The following ZNF675 variants were observed in gnomAD, a reference collection of about 807,000 sequenced individuals.
ZNF675 encodes zinc finger protein 675, also known as TRAF6 inhibitory zinc finger.
Under a neutral mutation model 56.1 loss-of-function variants are expected in ZNF675, and 36 were observed. The observed-to-expected ratio is 0.64, with a 90% CI of 0.49 to 0.85. The LOEUF (loss-of-function observed/expected upper bound fraction) is 0.85. Among genes scored for constraint, ZNF675 ranks in the 40% least tolerant of loss-of-function variants. The pLI, the probability that ZNF675 is intolerant of heterozygous loss-of-function variation, is 0.00. For synonymous variants in ZNF675, 200 were observed against 218.9 expected, an observed-to-expected ratio of 0.91 and a Z score of 0.76; for missense variants, 663 against 654.2, an observed-to-expected ratio of 1.01 and a Z score of -0.15.
chr19:23,660,167 C>T (rs1968056838), intron 3 of ZNF675, among the ~76,000 whole-genome samples: 1 of 152,134 alleles, frequency 6.6e-6, no homozygotes, highest in Non-Finnish European at 1.5e-5. Context: ...CTAGTGCAGA[C>T]CCAGCAGCCT....
At chr19:23,681,580 C>T (rs1852437) in intron 1 of ZNF675, among the ~76,000 whole-genome samples, 1 of 151,514 alleles carries the variant, frequency 6.6e-6, no homozygotes, top group African/African-American at 2.4e-5. Context: ...TACTGAACAC[C>T]AAGCAATCCT....
chr19:23,683,107 T>G (rs991011302), intron 1 of ZNF675, among the ~76,000 whole-genome samples: 2 of 151,126 alleles, frequency 1.3e-5, no homozygotes, highest in Non-Finnish European at 2.9e-5. Context: ...AAGAATCACT[T>G]GAATCTGGGA....
At chr19:23,682,419 A>G (rs1435216358) in intron 1 of ZNF675, among the ~76,000 whole-genome samples, 2 of 151,848 alleles carry the variant, frequency 1.3e-5, no homozygotes, top group Non-Finnish European at 2.9e-5. Flanking sequence ...TTTTACATAA[A>G]TCTATAACTT....
intron 3 of ZNF675, among the ~76,000 whole-genome samples, chr19:23,657,938 A>C (rs1428520986): frequency 6.6e-6 from 1 of 152,184 alleles, no homozygotes; most frequent in African/African-American, 2.4e-5. Context: ...AAATTGTCTA[A>C]AATGGTAAAA....
At chr19:23,683,244 G>A (rs1343605640) in intron 1 of ZNF675, among the ~76,000 whole-genome samples, 1 of 151,370 alleles carries the variant, frequency 6.6e-6, no homozygotes, top group African/African-American at 2.4e-5. Flanking sequence ...AACACTTCTA[G>A]GAGGTACCAA....
At chr19:23,678,373 C>CCCAAGGCTGCCTCAGCCG (rs1418402347) in intron 1 of ZNF675, among the ~76,000 whole-genome samples, 1 of 150,460 alleles carries the variant, frequency 6.6e-6, no homozygotes, top group African/African-American at 2.5e-5. Context: ...GCCTCAGCCA[C>CCCAAGGCTGCCTCAGCCG]CCAAGTAGCC....
At chr19:23,661,976 A>G in intron 3 of ZNF675, 138 bp downstream of exon 3, 1 of 666,700 alleles carries the variant, frequency 1.5e-6, no homozygotes, top group Non-Finnish European at 2.7e-6. Context: ...ATGTGAGAGC[A>G]TAAAATACTC....
rs555353500 is a variant in ZNF675, at chr19:23,676,787, C to G, written c.3+10244G>C. 7.2e-5 allele frequency among the ~76,000 whole-genome samples: 11 copies of G among 151,750 alleles called. No homozygotes were observed. The East Asian group carries it at 2.1e-3, about 29-fold the overall frequency. ...ACATTTTTTTTCTTGAAAACTGGCACAAGACGGCCGGGCGCGGTGGCTCAC... is the reference window on the plus strand; with the variant it reads ...ACATTTTTTTTCTTGAAAACTGGCAGAAGACGGCCGGGCGCGGTGGCTCAC... On this transcript the variant is annotated intron_variant, in intron 1 of 3. Coordinates refer to ENST00000359788, the MANE Select transcript of ZNF675 (RefSeq NM_138330.3).
chr19:23,655,194 A>G (rs1386651956), intron 3 of ZNF675: 1 of 151,652 alleles, frequency 6.6e-6, no homozygotes. Context: ...CCAAGATCGC[A>G]CCATTACACT....
chr19:23,672,599 A>G (rs1311513295), intron 1 of ZNF675, among the ~76,000 whole-genome samples: 2 of 152,208 alleles, frequency 1.3e-5, no homozygotes, highest in Non-Finnish European at 2.9e-5. Flanking sequence ...TTATGTGCAG[A>G]TTCTACGTCA....
intron 1 of ZNF675, among the ~76,000 whole-genome samples, chr19:23,672,026 G>C (rs769345880): frequency 6.6e-6 from 1 of 152,046 alleles, no homozygotes; most frequent in Non-Finnish European, 1.5e-5. Flanking sequence ...AGGATGCCTA[G>C]GTGATTGTGA....
At chr19:23,655,273 T>C (rs1386963606) in intron 3 of ZNF675, 1 of 151,842 alleles carries the variant, frequency 6.6e-6, no homozygotes, top group Non-Finnish European at 1.5e-5. Flanking sequence ...ACTTCAATTA[T>C]TTACATATAG....
intron 1 of ZNF675, among the ~76,000 whole-genome samples, chr19:23,664,991 T>C (rs995143439): frequency 2.0e-5 from 3 of 151,716 alleles, no homozygotes; most frequent in Non-Finnish European, 4.4e-5. Context: ...CCCAGAAGAA[T>C]AAACAGACCT....
intron 1 of ZNF675, among the ~76,000 whole-genome samples, chr19:23,670,991 C>G (rs965645990): frequency 6.6e-6 from 1 of 152,094 alleles, no homozygotes; most frequent in African/African-American, 2.4e-5. Context: ...AGGAAACAAC[C>G]AGGCTAAATT....
At position 23,682,992 on chromosome 19, in the gene ZNF675, T is replaced by C. The variant is rs140291338; in HGVS notation, c.3+4039A>G. Among the ~76,000 whole-genome samples, 22 of 151,740 alleles carry C rather than the reference T, an allele frequency of 1.4e-4. 2 individuals carry two copies. The highest frequency in any genetic ancestry group is 5.1e-4 in the African/African-American group (21 of 41,098). On this transcript the variant is annotated intron_variant, in intron 1 of 3. Coordinates refer to ENST00000359788, the MANE Select transcript of ZNF675 (RefSeq NM_138330.3). ...TCACCTGAAGTCAGGAGTTCGAGCC[T>C]AGCCTGGCCAACATGGTGAAACCCC... is the stretch of plus-strand genomic sequence containing the variant.
At chr19:23,675,551 A>T (rs1968284528) in intron 1 of ZNF675, among the ~76,000 whole-genome samples, 1 of 151,774 alleles carries the variant, frequency 6.6e-6, no homozygotes, top group Non-Finnish European at 1.5e-5. Context: ...TACAAAGAAA[A>T]CCACTTGAAA....
chr19:23,673,544 T>A (rs1384011907), intron 1 of ZNF675, among the ~76,000 whole-genome samples: 1 of 152,134 alleles, frequency 6.6e-6, no homozygotes, highest in Non-Finnish European at 1.5e-5. Flanking sequence ...GGCAGCAAAT[T>A]TGGGAGTGAC....
At chr19:23,684,105 CA>C (rs1169464770) in intron 1 of ZNF675, among the ~76,000 whole-genome samples, 1 of 150,506 alleles carries the variant, frequency 6.6e-6, no homozygotes, top group African/African-American at 2.4e-5. Context: ...ACTAAAAATA[CA>C]AAAAAATTAG....
intron 3 of ZNF675, among the ~76,000 whole-genome samples, chr19:23,657,937 A>C (rs1404479334): frequency 1.3e-5 from 2 of 152,212 alleles, no homozygotes; most frequent in Non-Finnish European, 2.9e-5. Context: ...CAAATTGTCT[A>C]AAATGGTAAA....
Sources: gnomAD v4.1 joint callset for allele counts (sites outside exome capture counted in the v4.1 genomes callset) on GRCh38, gnomAD v4.1.1 for gene constraint, MANE v1.5 for transcripts, NCBI Gene and HGNC (gene_info 2026-07-23, HGNC 2026-07-21) for gene names.